PHEX: variants seen among roughly 807,000 people sequenced by gnomAD.
PHEX encodes the protein phosphate-regulating neutral endopeptidase PHEX.
In PHEX, 16 loss-of-function variants were observed where a neutral mutation model predicts 68.0. That is an observed-to-expected ratio of 0.24 (90% CI 0.16 to 0.36). The LOEUF is 0.36. Among genes scored for constraint, PHEX ranks in the 10% least tolerant of loss-of-function variants. PHEX has a pLI of 1.00. For missense variants in PHEX, 480 were observed against 575.5 expected (o/e 0.83, Z 1.70); for synonymous variants, 208 against 205.1 (o/e 1.01, Z -0.12).
chrX:22,202,435 G>A (rs373031929), intron 15 of PHEX, among the ~76,000 whole-genome samples: 1 of 111,712 alleles, frequency 9.0e-6, no homozygotes, highest in East Asian at 2.8e-4. Flanking sequence ...CCATTTGAGG[G>A]TTTTGAAATG....
Position 22,233,346 on chromosome X carries a change from C to G in PHEX, c.2070+5735C>G, listed in dbSNP as rs1190454267. Among the ~76,000 whole-genome samples, 3 of 111,390 alleles carry G rather than the reference C, an allele frequency of 2.7e-5. No individual in the cohort carries two copies. The South Asian group carries it at 1.1e-3, about 42-fold the overall frequency. On this transcript the variant is annotated intron_variant, in intron 20 of 21. Transcript: ENST00000379374. ...TGTTTTCTGTATTTCCTGAATTTGA[C>G]TGTGGGCCTGTCTTGCTAGGGAGGG...
At chrX:22,156,383 G>A (rs914179272) in intron 12 of PHEX, among the ~76,000 whole-genome samples, 1 of 109,708 alleles carries the variant, frequency 9.1e-6, no homozygotes, top group South Asian at 3.9e-4. Context: ...GGGGATTTAC[G>A]ACAGTTGAAT....
chrX:22,148,860 G>A lies in PHEX; in HGVS notation c.1404+15236G>A, dbSNP rs1037454801. Among the ~76,000 whole-genome samples, 33 of 110,328 alleles carry A rather than the reference G, an allele frequency of 3.0e-4. No individual in the cohort carries two copies. The Admixed American group carries it at 3.1e-3, about 10-fold the overall frequency. On this transcript the variant is annotated intron_variant, in intron 12 of 21. Transcript: ENST00000379374. ...TTAGCTCAAGACCATTGTATACATCGACTCACAGAAGTATTTGAGTAAGCC... is the reference window on the plus strand; with the variant it reads ...TTAGCTCAAGACCATTGTATACATCAACTCACAGAAGTATTTGAGTAAGCC...
In PHEX at chrX:22,047,142, A is replaced by G. The variant is rs764744535; in HGVS notation, c.280A>G (p.Ile94Val). The G allele has an allele frequency of 5.0e-6, 6 of 1,207,928 alleles. No homozygotes were observed. In the South Asian group the frequency reaches 1.1e-4, roughly 21 times the overall value. Reference sequence around the variant, plus strand: ...TGATGGCTGGATAAGCAATAATCCAATTCCCGAAGATATGCCAAGCTATGG... The same window carrying G: ...TGATGGCTGGATAAGCAATAATCCAGTTCCCGAAGATATGCCAAGCTATGG... ...ACDGWISNNP[I>V]PEDMPSYGVY... is the part of the protein sequence containing the mutation. The change falls in exon 3 of 22, where the codon ATT (isoleucine) becomes GTT (valine). Residue 94 changes from isoleucine (I) to valine (V), a missense_variant. By Grantham distance (29) the Ile-to-Val change is conservative. Coordinates refer to ENST00000379374, the MANE Select transcript of PHEX (RefSeq NM_000444.6).
chrX:22,250,336 G>C lies in PHEX; in HGVS notation c.*2383G>C, dbSNP rs1183344631. 8.9e-6 allele frequency: 1 copy of C among 112,080 alleles called. No homozygotes were observed. The highest frequency in any genetic ancestry group is 2.8e-4 in the East Asian group (1 of 3,593). 9.2% of individuals were successfully genotyped at this position (112,080 alleles called of 1,213,427 possible). On this transcript the variant is annotated 3_prime_UTR_variant, in exon 22 of 22. Coordinates refer to ENST00000379374, the MANE Select transcript of PHEX (RefSeq NM_000444.6). Reference sequence around the variant, plus strand: ...AACTGGAAGGGAAAGAAAAAAGTAGGGAGAAGCTGGCCTATGGATGTGGCT... The same window carrying C: ...AACTGGAAGGGAAAGAAAAAAGTAGCGAGAAGCTGGCCTATGGATGTGGCT...
chrX:22,201,645 C>G (rs1004147359), intron 15 of PHEX, among the ~76,000 whole-genome samples: 6 of 111,758 alleles, frequency 5.4e-5, no homozygotes, highest in Non-Finnish European at 1.1e-4. Context: ...CTGGAATGCT[C>G]TGCAGTCTCA....
chrX:22,129,153 T>C (rs1931870092), intron 11 of PHEX, among the ~76,000 whole-genome samples: 1 of 111,292 alleles, frequency 9.0e-6, no homozygotes, highest in African/African-American at 3.3e-5. Context: ...GGTGCGTATA[T>C]ACAGGGTGGA....
Position 22,134,902 on chromosome X carries a change from A to G in PHEX, c.1404+1278A>G, listed in dbSNP as rs147337288. 1.9e-3 allele frequency among the ~76,000 whole-genome samples: 215 copies of G among 111,693 alleles called. 3 individuals carry two copies. The highest frequency in any genetic ancestry group is 6.7e-3 in the African/African-American group (207 of 30,742). ...TATCACTAGGCAGGTCTGGGGAAAC[A>G]CTGCCTGGAGTCATACTGAGTCATA... On this transcript the variant is annotated intron_variant, in intron 12 of 21. Coordinates refer to ENST00000379374, the MANE Select transcript of PHEX (RefSeq NM_000444.6).
rs977996230 is a variant in PHEX at position 22,032,822 on chromosome X, A to C, written c.-184A>C. On this transcript the variant is annotated 5_prime_UTR_variant, in exon 1 of 22. Transcript: ENST00000379374. ...AGGCAACCAATATTTTGGTTTTTAT[A>C]ATTTTCATTTGTGAAGAATTATTTG... is the stretch of plus-strand genomic sequence containing the variant. The C allele has an allele frequency of 4.5e-5, 21 of 471,541 alleles. No individual in the cohort carries two copies. Among genetic ancestry groups the C allele is most frequent in the Non-Finnish European group, 7.5e-5 (20 of 266,562 alleles). 38.9% of individuals were successfully genotyped at this position (471,541 alleles called of 1,213,427 possible). A position where few individuals can be genotyped will look rare whatever the true frequency, so the allele number is the denominator to read the frequency against.
At chrX:22,080,808 C>T (rs768939649) in intron 5 of PHEX, among the ~76,000 whole-genome samples, 3 of 111,768 alleles carry the variant, frequency 2.7e-5, no homozygotes, top group Non-Finnish European at 5.6e-5. Context: ...CGAATATCCT[C>T]GTGCAAATTA....
chrX:22,104,624 A>C (rs1021841587), intron 9 of PHEX, among the ~76,000 whole-genome samples: 1 of 111,382 alleles, frequency 9.0e-6, no homozygotes, highest in African/African-American at 3.3e-5. Context: ...GCAGTTGGCA[A>C]CCTTTACTAG....
chrX:22,146,330 A>G (rs1932693077), intron 12 of PHEX, among the ~76,000 whole-genome samples: 1 of 112,249 alleles, frequency 8.9e-6, no homozygotes, highest in Non-Finnish European at 1.9e-5. Context: ...ATCTTTTGTA[A>G]GGGGCAGTAG....
chrX:22,139,360 C>T (rs923108880), intron 12 of PHEX, among the ~76,000 whole-genome samples: 2 of 111,698 alleles, frequency 1.8e-5, no homozygotes, highest in African/African-American at 6.5e-5. Flanking sequence ...GGAGGGGATG[C>T]ATTTCTTTTC....
At chrX:22,235,635 G>T (rs965316097) in intron 20 of PHEX, among the ~76,000 whole-genome samples, 1 of 111,380 alleles carries the variant, frequency 9.0e-6, no homozygotes, top group African/African-American at 3.3e-5. Context: ...GCCTCCCAAA[G>T]GCCCAACTCC....
intron 15 of PHEX, among the ~76,000 whole-genome samples, chrX:22,211,687 A>G (rs1934929247): frequency 8.9e-6 from 1 of 112,401 alleles, no homozygotes; most frequent in Non-Finnish European, 1.9e-5. Context: ...TCTATAGGTT[A>G]TTGTATAAGT....
intron 15 of PHEX, among the ~76,000 whole-genome samples, chrX:22,211,134 A>G (rs1258712115): frequency 9.0e-6 from 1 of 111,720 alleles, no homozygotes; most frequent in African/African-American, 3.3e-5. Flanking sequence ...CCTAGGATCA[A>G]CCCAGGGTGC....
At chrX:22,235,371 GTTTGGGCTGCTATAACAAA>G (rs1234440235) in intron 20 of PHEX, among the ~76,000 whole-genome samples, 1 of 112,263 alleles carries the variant, frequency 8.9e-6, no homozygotes, top group Non-Finnish European at 1.9e-5. Flanking sequence ...GTTTTAGACA[GTTTGGGCTGCTATAACAAA>G]GTGTCATAGA....
At chrX:22,219,010 C>T in intron 16 of PHEX, 26 bp from the exon 17 acceptor site, 1 of 1,058,040 alleles carries the variant, frequency 9.5e-7, no homozygotes, top group Non-Finnish European at 1.3e-6. Flanking sequence ...TTGTAATTGT[C>T]TCCAAATTAT....
rs767401443 is a variant in PHEX, at chrX:22,037,991, C to G, written c.119-478C>G. Among the ~76,000 whole-genome samples the G allele has an allele frequency of 3.6e-5, 4 of 111,452 alleles. No homozygotes were observed. In the East Asian group the frequency reaches 8.5e-4, roughly 24 times the overall value. On this transcript the variant is annotated intron_variant, in intron 1 of 21. Coordinates refer to ENST00000379374, the MANE Select transcript of PHEX (RefSeq NM_000444.6). ...AAACCAATAGAGTGAAAGTATGAGACTTAAACCACTGATAATTGGAGGCTG... is the reference window on the plus strand; with the variant it reads ...AAACCAATAGAGTGAAAGTATGAGAGTTAAACCACTGATAATTGGAGGCTG...
Sources: allele counts gnomAD v4.1 joint callset (sites outside exome capture counted in the v4.1 genomes callset), GRCh38; gene constraint gnomAD v4.1.1; transcripts MANE v1.5; gene names NCBI Gene and HGNC (gene_info 2026-07-23, HGNC 2026-07-21).